The following PIEZO2 variants were observed in gnomAD, a reference collection of about 807,000 sequenced individuals.
PIEZO2 encodes the protein piezo-type mechanosensitive ion channel component 2.
PIEZO2 carries 172 observed loss-of-function variants against 337.3 expected under a neutral mutation model. The ratio of observed to expected loss-of-function variants is 0.51; its 90% CI spans 0.45 to 0.58. The LOEUF (loss-of-function observed/expected upper bound fraction) is 0.58, where lower values mean the gene tolerates loss of function less well. PIEZO2 is among the 20% of genes least tolerant of loss of function. PIEZO2 has a pLI of 0.00. For synonymous variants in PIEZO2, 1,251 were observed against 1,228.5 expected (o/e 1.02, Z -0.38); for missense variants, 3,028 against 3,391.3 (o/e 0.89, Z 2.66).
At chr18:11,013,627 G>A (rs951696684) in intron 2 of PIEZO2, among the ~76,000 whole-genome samples, 59 of 152,278 alleles carry the variant, frequency 3.9e-4, no homozygotes, top group Middle Eastern at 3.4e-3. Flanking sequence ...TAGAGCAGAT[G>A]GACCAGCCGC....
At chr18:11,089,194 G>A (rs1185262887) in intron 1 of PIEZO2, among the ~76,000 whole-genome samples, 1 of 152,130 alleles carries the variant, frequency 6.6e-6, no homozygotes, top group African/African-American at 2.4e-5. Context: ...TTTTCCCAAA[G>A]CATTCCAGGC....
chr18:10,703,745 A>G (rs2035440264), intron 42 of PIEZO2, among the ~76,000 whole-genome samples: 1 of 152,136 alleles, frequency 6.6e-6, no homozygotes, highest in African/African-American at 2.4e-5. Context: ...TGAATAGGTC[A>G]GGACAGAAAA....
chr18:10,995,077 C>G (rs1256544156), intron 2 of PIEZO2, among the ~76,000 whole-genome samples: 1 of 28,308 alleles, frequency 3.5e-5, no homozygotes, highest in Non-Finnish European at 7.6e-5. Context: ...GACTCCGTCT[C>G]AAAAAAAAAA....
intron 2 of PIEZO2, among the ~76,000 whole-genome samples, chr18:11,024,521 G>A (rs1377114815): frequency 2.1e-5 from 3 of 143,446 alleles, no homozygotes; most frequent in Admixed American, 1.4e-4. Flanking sequence ...ACTCCAGCCT[G>A]GGCGACAGAG....
At chr18:10,708,975 AC>A (rs1428442507) in intron 39 of PIEZO2, among the ~76,000 whole-genome samples, 1 of 152,028 alleles carries the variant, frequency 6.6e-6, no homozygotes, top group Non-Finnish European at 1.5e-5. Context: ...TGAATTTTGC[AC>A]CCCATTTTTG....
At position 11,100,837 on chromosome 18, in the gene PIEZO2, C is replaced by T. The variant is rs180689943; in HGVS notation, c.65-34615G>A. ...GTCTCGATCTCCTGACCTCGTGATCCGCCCACCTTGGCCTCCCAAAGTGCT... is the reference window on the plus strand; with the variant it reads ...GTCTCGATCTCCTGACCTCGTGATCTGCCCACCTTGGCCTCCCAAAGTGCT... On this transcript the variant is annotated intron_variant, in intron 1 of 55. Transcript: ENST00000674853. Among the ~76,000 whole-genome samples, 119 of 152,278 alleles carry T rather than the reference C, an allele frequency of 7.8e-4. 1 individual carries two copies. The highest frequency in any genetic ancestry group is 1.5e-3 in the Non-Finnish European group (99 of 68,026).
At chr18:10,687,007 T>A (rs2034572502) in intron 49 of PIEZO2, among the ~76,000 whole-genome samples, 1 of 152,180 alleles carries the variant, frequency 6.6e-6, no homozygotes, top group Admixed American at 6.5e-5. Context: ...CACTCTTCCA[T>A]TAGCTCTCTG....
At position 11,148,965 on chromosome 18, in the gene PIEZO2, G is replaced by A. The variant is rs1232507094; in HGVS notation, c.-377C>T. 2.0e-5 allele frequency among the ~76,000 whole-genome samples: 3 copies of A among 152,066 alleles called. No individual in the cohort carries two copies. Among genetic ancestry groups the A allele is most frequent in the East Asian group, 1.9e-4 (1 of 5,150 alleles). On this transcript the variant is annotated 5_prime_UTR_variant, in exon 1 of 56. Transcript: ENST00000674853. This position sits in a 1 kb window ranked among gnomAD's most constrained non-coding sequence, Gnocchi z 5.2. ...GGAGGGTCCTGGGAGGCGGCGCGGC[G>A]AGCAAAGGGGGCAAGAAGGGCGTGC...
intron 3 of PIEZO2, among the ~76,000 whole-genome samples, chr18:10,958,596 T>G (rs1381904125): frequency 1.3e-5 from 2 of 152,206 alleles, no homozygotes; most frequent in Admixed American, 1.3e-4. Context: ...TTAGCTTGAT[T>G]AAGTCTTTCT....
At position 10,993,857 on chromosome 18, in the gene PIEZO2, T is replaced by G. The variant is rs567885181; in HGVS notation, c.161-14197A>C. ...TCTGCTTTTTTTTTATTATTAATTT[T>G]AAAATTTTTCATTTCCATAGGTTTT... On this transcript the variant is annotated intron_variant, in intron 2 of 55. Coordinates refer to ENST00000674853, the MANE Select transcript of PIEZO2 (RefSeq NM_001378183.1). This position sits in a 1 kb window ranked among gnomAD's most constrained non-coding sequence, Gnocchi z 5.0. Among the ~76,000 whole-genome samples, 1 of 152,158 alleles carries G rather than the reference T, an allele frequency of 6.6e-6. No individual in the cohort carries two copies. The highest frequency in any genetic ancestry group is 1.5e-5 in the Non-Finnish European group (1 of 68,026).
rs189743437 is a variant in PIEZO2, at chr18:10,707,658, T to A, written c.5588+617A>T. Reference sequence around the variant, plus strand: ...AATGAATACTGTTTTAGGGTAGGATTTGGGAGAACTTAAGCCACAGTATAT... The same window carrying A: ...AATGAATACTGTTTTAGGGTAGGATATGGGAGAACTTAAGCCACAGTATAT... On this transcript the variant is annotated intron_variant, in intron 40 of 55. Transcript: ENST00000674853. This position sits in a 1 kb window ranked among gnomAD's most constrained non-coding sequence, Gnocchi z 4.2. 6.6e-6 allele frequency among the ~76,000 whole-genome samples: 1 copy of A among 152,330 alleles called. No individual in the cohort carries two copies. The highest frequency in any genetic ancestry group is 6.5e-5 in the Admixed American group (1 of 15,306).
rs368969302 is a variant in PIEZO2 at position 10,763,045 on chromosome 18, G to A, written c.3000C>T (p.Tyr1000=). The A allele has an allele frequency of 1.3e-4, 195 of 1,537,326 alleles. 1 individual carries two copies. In the African/African-American group the frequency reaches 2.3e-3, roughly 18 times the overall value. The change falls in exon 22 of 56, where the codon TAC becomes TAT. Residue 1000 remains tyrosine, a synonymous_variant. Transcript: ENST00000674853. ...FLISWAFALP[Y]AKLRRLASSV... is the part of the protein sequence containing the mutation. Reference sequence around the variant, plus strand: ...TTGAAGCCAGACGGCGCAGCTTGGCGTACGGCAGAGCAAAAGCCCAAGAAA... The same window carrying A: ...TTGAAGCCAGACGGCGCAGCTTGGCATACGGCAGAGCAAAAGCCCAAGAAA...
At chr18:11,008,174 C>T (rs1410024539) in intron 2 of PIEZO2, among the ~76,000 whole-genome samples, 1 of 152,090 alleles carries the variant, frequency 6.6e-6, no homozygotes, top group Non-Finnish European at 1.5e-5. Context: ...TTGGAAATGT[C>T]ATCTTAGAAA....
At chr18:10,920,656 T>A (rs2031332121) in intron 3 of PIEZO2, among the ~76,000 whole-genome samples, 1 of 151,974 alleles carries the variant, frequency 6.6e-6, no homozygotes, top group South Asian at 2.1e-4. Context: ...TCAGCAAGAG[T>A]ATTTAGAGAC....
chr18:11,049,365 T>C (rs1368441151), intron 2 of PIEZO2, among the ~76,000 whole-genome samples: 2 of 152,238 alleles, frequency 1.3e-5, no homozygotes, highest in Non-Finnish European at 2.9e-5. Flanking sequence ...AGGGTCTGTC[T>C]TCTTTACCTT....
At chr18:10,974,123 G>A (rs761120466) in intron 3 of PIEZO2, among the ~76,000 whole-genome samples, 8 of 152,154 alleles carry the variant, frequency 5.3e-5, no homozygotes, top group African/African-American at 7.2e-5. Flanking sequence ...CACAGTCGTC[G>A]GGATGGGAGG....
rs1389007739 is a variant in PIEZO2, at chr18:10,762,615, T to A, written c.3134A>T (p.Asn1045Ile). 6.5e-7 allele frequency: 1 copy of A among 1,536,676 alleles called. No homozygotes were observed. Among genetic ancestry groups the A allele is most frequent in the Non-Finnish European group, 8.7e-7 (1 of 1,146,784 alleles). The change falls in exon 23 of 56, where the codon AAT (asparagine) becomes ATT (isoleucine). Residue 1045 changes from asparagine to isoleucine, a missense_variant. Asn to Ile is a moderately radical substitution (Grantham distance 149). Around this residue, in one of 5 missense-constraint regions of PIEZO2, gnomAD observed 1,925 missense variants for 2,051.9 expected, o/e 0.94. Transcript: ENST00000674853. Reference sequence around the variant, plus strand: ...CTCATTAAAGGGGATGTTTGTTTGATTTTCATTTGGCTAAAAAGAAGAGAA... The same window carrying A: ...CTCATTAAAGGGGATGTTTGTTTGAATTTCATTTGGCTAAAAAGAAGAGAA... ...FSVNCSLPNE[N>I]QTNIPFNELN...
At chr18:10,917,398 T>C (rs1368636472) in intron 3 of PIEZO2, among the ~76,000 whole-genome samples, 4 of 152,184 alleles carry the variant, frequency 2.6e-5, no homozygotes, top group Admixed American at 1.3e-4. Context: ...TATATTTTCA[T>C]GAACATCATC....
Position 10,726,459 on chromosome 18 carries a change from A to G in PIEZO2, c.5029+4948T>C. 6.5e-7 allele frequency: 1 copy of G among 1,528,980 alleles called. No individual in the cohort carries two copies. Among genetic ancestry groups the G allele is most frequent in the South Asian group, 1.2e-5 (1 of 83,116 alleles). 94.7% of individuals were successfully genotyped at this position (1,528,980 alleles called of 1,614,324 possible). A position where few individuals can be genotyped will look rare whatever the true frequency, so the allele number is the denominator to read the frequency against. On this transcript the variant is annotated intron_variant, in intron 36 of 55. Coordinates refer to ENST00000674853, the MANE Select transcript of PIEZO2 (RefSeq NM_001378183.1). This position sits in a 1 kb window ranked among gnomAD's most constrained non-coding sequence, Gnocchi z 5.9. ...GTACGGGCTACGGCCGGCGAACCCC[A>G]CGAGGAGGGCCTGGCCACCCTGCAC... is the stretch of plus-strand genomic sequence containing the variant.
Sources: gnomAD v4.1 joint callset for allele counts (sites outside exome capture counted in the v4.1 genomes callset) on GRCh38, gnomAD v4.1.1 for gene constraint, gnomAD v4.1.1 regional missense constraint, Gnocchi (gnomAD v3.1) non-coding constraint, MANE v1.5 for transcripts, NCBI Gene and HGNC (gene_info 2026-07-23, HGNC 2026-07-21) for gene names.